AUTS2: variants seen among roughly 807,000 people sequenced by gnomAD.
AUTS2 encodes the protein autism susceptibility gene 2 protein.
AUTS2 carries 17 observed loss-of-function variants against 112.4 expected under a neutral mutation model. The observed-to-expected ratio is 0.15, with a 90% CI of 0.10 to 0.23. AUTS2 has a LOEUF of 0.23. Among genes scored for constraint, AUTS2 ranks in the 10% least tolerant of loss-of-function variants. The probability of loss-of-function intolerance (pLI) is 1.00; values close to 1 mark genes in which losing one functional copy is unlikely to be tolerated. For missense variants in AUTS2, 1,510 were observed against 1,701.6 expected, an observed-to-expected ratio of 0.89 and a Z score of 1.98; for synonymous variants, 751 against 702.7, an observed-to-expected ratio of 1.07 and a Z score of -1.09.
intron 4 of AUTS2, among the ~76,000 whole-genome samples, chr7:70,275,740 A>G (rs1161820361): frequency 6.6e-6 from 1 of 152,062 alleles, no homozygotes; most frequent in African/African-American, 2.4e-5. Flanking sequence ...ACAAGGTCTA[A>G]TCATTTTATA....
intron 2 of AUTS2, among the ~76,000 whole-genome samples, chr7:69,966,348 A>C (rs1399754443): frequency 6.6e-6 from 1 of 152,162 alleles, no homozygotes; most frequent in Non-Finnish European, 1.5e-5. Flanking sequence ...GGTCATGATA[A>C]AGCCACCCAC....
chr7:70,761,153 A>G (rs1190454330), intron 6 of AUTS2, among the ~76,000 whole-genome samples: 1 of 152,228 alleles, frequency 6.6e-6, no homozygotes, highest in African/African-American at 2.4e-5. Context: ...CGTAAACAGA[A>G]ATATGTAAGC....
intron 2 of AUTS2, among the ~76,000 whole-genome samples, chr7:70,070,044 T>TA (rs1425287954): frequency 6.6e-6 from 1 of 152,180 alleles, no homozygotes; most frequent in Non-Finnish European, 1.5e-5. Context: ...TGCAGAGAAA[T>TA]ACCAAACCTT....
chr7:69,720,157 AC>A (rs1209631844), intron 1 of AUTS2, among the ~76,000 whole-genome samples: 1 of 152,198 alleles, frequency 6.6e-6, no homozygotes, highest in Non-Finnish European at 1.5e-5. Context: ...GGCTACCTGA[AC>A]AATTATGTCT....
At chr7:70,382,029 G>A (rs778502721) in intron 4 of AUTS2, among the ~76,000 whole-genome samples, 10 of 152,264 alleles carry the variant, frequency 6.6e-5, no homozygotes, top group Middle Eastern at 3.4e-3. Context: ...GTACCTGGAA[G>A]CCAGATACTG....
At chr7:70,492,680 C>A (rs7780416) in intron 5 of AUTS2, among the ~76,000 whole-genome samples, 2 of 152,150 alleles carry the variant, frequency 1.3e-5, no homozygotes, top group African/African-American at 2.4e-5. Flanking sequence ...TCCCAGGGCT[C>A]CCTGCAGGGG....
rs975411104 is a variant in AUTS2, at chr7:70,792,107, G to A, written c.*1111G>A. Reference sequence around the variant, plus strand: ...CTCAGATGATGGATATGTTTTCACTGTATTCAATAACTGACGGATGTAAGG... The same window carrying A: ...CTCAGATGATGGATATGTTTTCACTATATTCAATAACTGACGGATGTAAGG... On this transcript the variant is annotated 3_prime_UTR_variant, in exon 19 of 19. Transcript: ENST00000342771. The A allele has an allele frequency of 6.6e-6, 1 of 152,534 alleles. No individual in the cohort carries two copies. The highest frequency in any genetic ancestry group is 1.5e-5 in the Non-Finnish European group (1 of 68,040). The allele number at this position is 152,534 out of a possible 1,614,324, so 9.4% of individuals were successfully genotyped here. A position where few individuals can be genotyped will look rare whatever the true frequency, so the allele number is the denominator to read the frequency against.
chr7:70,500,154 A>G (rs553120703), intron 5 of AUTS2, among the ~76,000 whole-genome samples: 2 of 151,492 alleles, frequency 1.3e-5, no homozygotes, highest in South Asian at 4.2e-4. Context: ...TAAGGTTGCT[A>G]AAGGTACTGG....
At chr7:70,760,219 A>G (rs1031298261) in intron 6 of AUTS2, among the ~76,000 whole-genome samples, 2 of 152,168 alleles carry the variant, frequency 1.3e-5, no homozygotes, top group African/African-American at 2.4e-5. Flanking sequence ...GTTAGCCAGG[A>G]TGGTCTCGAT....
intron 2 of AUTS2, among the ~76,000 whole-genome samples, chr7:70,025,450 CTTTTTTTT>C (rs970909285): frequency 2.2e-5 from 3 of 134,488 alleles, no homozygotes; most frequent in South Asian, 4.8e-4. Flanking sequence ...TTTTTGTTTC[CTTTTTTTT>C]TTTTTTTTTT....
intron 6 of AUTS2, among the ~76,000 whole-genome samples, chr7:70,709,415 A>G (rs1809924074): frequency 6.6e-6 from 1 of 152,150 alleles, no homozygotes; most frequent in South Asian, 2.1e-4. Flanking sequence ...TTTGTGTTAG[A>G]AATATTCTAG....
chr7:69,704,726 A>G (rs1184086695), intron 1 of AUTS2, among the ~76,000 whole-genome samples: 2 of 152,160 alleles, frequency 1.3e-5, no homozygotes, highest in Non-Finnish European at 2.9e-5. Flanking sequence ...GTCTGATTAC[A>G]CTATTCAATA....
chr7:70,378,895 C>T (rs955011575), intron 4 of AUTS2, among the ~76,000 whole-genome samples: 9 of 152,132 alleles, frequency 5.9e-5, no homozygotes, highest in African/African-American at 2.2e-4. Context: ...ATTCAGAAAC[C>T]ATCTAAGAAT....
chr7:70,076,171 ACTTTCT>A (rs573333576), intron 2 of AUTS2, among the ~76,000 whole-genome samples: 23 of 152,230 alleles, frequency 1.5e-4, no homozygotes, highest in Non-Finnish European at 2.8e-4. Flanking sequence ...GATGGGAAAT[ACTTTCT>A]CTTTTTTTGG....
intron 4 of AUTS2, among the ~76,000 whole-genome samples, chr7:70,280,608 C>T (rs894379880): frequency 6.6e-6 from 1 of 151,896 alleles, no homozygotes; most frequent in African/African-American, 2.4e-5. Context: ...ATAAGGGAAA[C>T]TTTTTAGAGG....
chr7:69,660,229 T>C (rs1257707943), intron 1 of AUTS2, among the ~76,000 whole-genome samples: 1 of 152,260 alleles, frequency 6.6e-6, no homozygotes, highest in African/African-American at 2.4e-5. Context: ...GGCCACCTGC[T>C]TTCTCCCTTC....
At chr7:69,918,278 TA>T (rs1226827291) in intron 2 of AUTS2, among the ~76,000 whole-genome samples, 3 of 152,198 alleles carry the variant, frequency 2.0e-5, no homozygotes, top group African/African-American at 7.2e-5. Flanking sequence ...TTCAAAAACG[TA>T]AAAAAGATCA....
intron 15 of AUTS2, chr7:70,784,654 G>C (rs1791310613): frequency 2.3e-6 from 1 of 441,592 alleles, no homozygotes; most frequent in African/African-American, 2.1e-5. Flanking sequence ...AATACTGTGT[G>C]TCATCGGCTT....
chr7:70,573,720 G>C (rs58001837), intron 5 of AUTS2, among the ~76,000 whole-genome samples: 2 of 151,868 alleles, frequency 1.3e-5, no homozygotes, highest in African/African-American at 2.4e-5. Flanking sequence ...CCAGTTAAAC[G>C]GTTCAAAGGA....
Sources: gnomAD v4.1 joint callset for allele counts (sites outside exome capture counted in the v4.1 genomes callset) on GRCh38, gnomAD v4.1.1 for gene constraint, MANE v1.5 for transcripts, NCBI Gene and HGNC (gene_info 2026-07-23, HGNC 2026-07-21) for gene names.